Variants in STYX observed in about 807,000 individuals in gnomAD.
The protein encoded by STYX is serine/threonine/tyrosine interacting protein.
In STYX, 20 loss-of-function variants were observed where a neutral mutation model predicts 42.7. That is an observed-to-expected ratio of 0.47 (90% CI 0.33 to 0.68). The LOEUF is 0.68. STYX is among the 30% of genes least tolerant of loss of function. The probability of loss-of-function intolerance (pLI) is 0.02; values close to 1 mark genes in which losing one functional copy is unlikely to be tolerated. For missense variants in STYX, 226 were observed against 268.5 expected (o/e 0.84, Z 1.11); for synonymous variants, 78 against 81.9 (o/e 0.95, Z 0.26).
At chr14:52,748,210 T>G (rs961165356) in intron 3 of STYX, among the ~76,000 whole-genome samples, 16 of 152,194 alleles carry the variant, frequency 1.1e-4, no homozygotes, top group Admixed American at 2.6e-4. Flanking sequence ...AACTCCTTTT[T>G]AAACACTCAT....
At chr14:52,761,453 A>T (rs1384921106) in intron 9 of STYX, among the ~76,000 whole-genome samples, 3 of 151,906 alleles carry the variant, frequency 2.0e-5, no homozygotes, top group Admixed American at 2.0e-4. Context: ...ATGTTTCCAG[A>T]TTGCCTCCAA....
intron 9 of STYX, among the ~76,000 whole-genome samples, chr14:52,764,180 AC>A (rs1186361255): frequency 6.6e-6 from 1 of 151,984 alleles, no homozygotes; most frequent in African/African-American, 2.4e-5. Context: ...TTTAGTAGAG[AC>A]GGGGTTTCAC....
chr14:52,730,522 A>G lies in STYX; in HGVS notation c.48A>G (p.Glu16=), dbSNP rs1880651124. Reference sequence around the variant, plus strand: ...TCCCTTCCCTTCCACAGTGCAAGGAAGACGCCGAGGTGAGTCGCTCCCGTG... The same window carrying G: ...TCCCTTCCCTTCCACAGTGCAAGGAGGACGCCGAGGTGAGTCGCTCCCGTG... ...LEFPSLPQCK[E]DAEEWTYPMR... Residue 16 remains glutamate (E), a synonymous_variant, in exon 1 of 11, where the codon GAA becomes GAG. Transcript: ENST00000354586. 1.2e-6 allele frequency: 2 copies of G among 1,613,342 alleles called. No individual in the cohort carries two copies. The highest frequency in any genetic ancestry group is 1.7e-5 in the Admixed American group (1 of 59,946).
chr14:52,754,247 C>T (rs1180879169), intron 4 of STYX, among the ~76,000 whole-genome samples: 2 of 151,150 alleles, frequency 1.3e-5, no homozygotes, highest in Non-Finnish European at 2.9e-5. Context: ...GGATCTTTCT[C>T]TGCTGCCCAG....
chr14:52,740,468 A>G (rs1169315562), intron 1 of STYX, among the ~76,000 whole-genome samples: 2 of 152,242 alleles, frequency 1.3e-5, no homozygotes, highest in African/African-American at 4.8e-5. Flanking sequence ...TGTATAGTAT[A>G]TTGATTCAGA....
Position 52,758,115 on chromosome 14 carries a change from A to T in STYX, c.431+191A>T, listed in dbSNP as rs557173408. On this transcript the variant is annotated intron_variant, in intron 8 of 10. Transcript: ENST00000354586. ...CTACTTGTATAGATATGCATAGGCT[A>T]ATATGGAAATCCTATGGAAAACTAC... 2.0e-5 allele frequency among the ~76,000 whole-genome samples: 3 copies of T among 152,342 alleles called. No homozygotes were observed. The East Asian group carries it at 5.8e-4, about 29-fold the overall frequency.
intron 9 of STYX, among the ~76,000 whole-genome samples, chr14:52,764,666 C>CTTTTTTT (rs58502916): frequency 7.2e-4 from 71 of 98,986 alleles, no homozygotes; most frequent in Non-Finnish European, 8.6e-4. Context: ...TTTACTTTTC[C>CTTTTTTT]TTTTTTTTTT....
At chr14:52,768,529 T>C (rs1882394784) in intron 9 of STYX, among the ~76,000 whole-genome samples, 1 of 152,192 alleles carries the variant, frequency 6.6e-6, no homozygotes, top group Admixed American at 6.5e-5. Flanking sequence ...AGATTGCCAA[T>C]TTAAGTTTTT....
intron 4 of STYX, among the ~76,000 whole-genome samples, chr14:52,753,087 G>A (rs1315325799): frequency 1.5e-5 from 2 of 129,430 alleles, no homozygotes; most frequent in African/African-American, 5.9e-5. Context: ...GTTTCGCTCT[G>A]TTGCCCAGGC....
At chr14:52,735,908 C>CT in intron 1 of STYX, among the ~76,000 whole-genome samples, 1 of 152,260 alleles carries the variant, frequency 6.6e-6, no homozygotes. Context: ...AAGATTGTTA[C>CT]TTTTTTTGTT....
intron 1 of STYX, among the ~76,000 whole-genome samples, chr14:52,739,115 T>A (rs924515811): frequency 6.6e-6 from 1 of 152,066 alleles, no homozygotes; most frequent in Non-Finnish European, 1.5e-5. Flanking sequence ...ATACACTTTT[T>A]AAAAATACCA....
At chr14:52,739,092 G>A (rs1054241775) in intron 1 of STYX, among the ~76,000 whole-genome samples, 3 of 141,730 alleles carry the variant, frequency 2.1e-5, no homozygotes, top group Non-Finnish European at 4.6e-5. Flanking sequence ...CACGGATTTT[G>A]TTTGTTTTTG....
intron 3 of STYX, 124 bp from the exon 4 acceptor site, chr14:52,750,559 C>T: frequency 1.6e-6 from 1 of 630,438 alleles, no homozygotes. Context: ...CTTTAATTCC[C>T]TGGACTTAAG....
chr14:52,737,706 G>A (rs1180378355), intron 1 of STYX, among the ~76,000 whole-genome samples: 2 of 152,286 alleles, frequency 1.3e-5, no homozygotes, highest in African/African-American at 2.4e-5. Context: ...GTTATTAGAC[G>A]TGTGTTCAGA....
chr14:52,746,535 G>T, intron 3 of STYX, 56 bp downstream of exon 3: 1 of 1,468,356 alleles, frequency 6.8e-7, no homozygotes, highest in South Asian at 1.3e-5. Flanking sequence ...CTTTTCTTGG[G>T]TAAGTTTTTT....
At position 52,757,854 on chromosome 14, in the gene STYX, A is replaced by T; in HGVS notation, c.381-20A>T. ...GGCTGTATTTTCTGGTTGTTTTTAA[A>T]ATTATTTTCCCCTCTTCAGTGCAGC... On this transcript the variant is annotated intron_variant, in intron 7 of 10. Coordinates refer to ENST00000354586, the MANE Select transcript of STYX (RefSeq NM_145251.4). 1 of 1,613,064 alleles carries T rather than the reference A, an allele frequency of 6.2e-7. No homozygotes were observed. Among genetic ancestry groups the T allele is most frequent in the South Asian group, 1.1e-5 (1 of 91,010 alleles).
chr14:52,749,625 C>T (rs1000640189), intron 3 of STYX, among the ~76,000 whole-genome samples: 1 of 152,144 alleles, frequency 6.6e-6, no homozygotes, highest in African/African-American at 2.4e-5. Flanking sequence ...AAATAAAAAT[C>T]TTTTCTGTCA....
chr14:52,732,092 T>G (rs1880733597), intron 1 of STYX, among the ~76,000 whole-genome samples: 1 of 71,118 alleles, frequency 1.4e-5, no homozygotes. Context: ...ATACTCATGG[T>G]TTTTTTTTTT....
At chr14:52,739,727 G>C (rs923917434) in intron 1 of STYX, among the ~76,000 whole-genome samples, 2 of 133,406 alleles carry the variant, frequency 1.5e-5, no homozygotes, top group Admixed American at 1.8e-4. Flanking sequence ...CTGCAGCCTC[G>C]ACCTCCCAAG....
Sources: allele counts gnomAD v4.1 joint callset (sites outside exome capture counted in the v4.1 genomes callset), GRCh38; gene constraint gnomAD v4.1.1; transcripts MANE v1.5; gene names NCBI Gene and HGNC (gene_info 2026-07-23, HGNC 2026-07-21).